Variants in PCDH15 observed in about 807,000 individuals in gnomAD.
PCDH15 encodes the protein protocadherin related 15.
Under a neutral mutation model 178.5 loss-of-function variants are expected in PCDH15, and 129 were observed. That is an observed-to-expected ratio of 0.72 (90% CI 0.63 to 0.84). PCDH15 has a LOEUF of 0.84. Among genes scored for constraint, PCDH15 ranks in the 40% least tolerant of loss-of-function variants. The probability of loss-of-function intolerance (pLI) is 0.00; values close to 1 mark genes in which losing one functional copy is unlikely to be tolerated. For synonymous variants in PCDH15, 800 were observed against 732.0 expected (o/e 1.09, Z -1.50); for missense variants, 2,230 against 2,099.9 (o/e 1.06, Z -1.21).
intron 14 of PCDH15, among the ~76,000 whole-genome samples, chr10:54,136,902 G>A (rs1590717683): frequency 6.6e-6 from 1 of 152,058 alleles, no homozygotes. Flanking sequence ...TTAGTTATTT[G>A]GAGGAGATCA....
chr10:55,450,311 T>TA (rs1263368915), intron 2 of PCDH15, among the ~76,000 whole-genome samples: 2 of 151,804 alleles, frequency 1.3e-5, no homozygotes, highest in Non-Finnish European at 2.9e-5. Flanking sequence ...TCTGAAGGAA[T>TA]AAAAAAAATG....
intron 9 of PCDH15, among the ~76,000 whole-genome samples, chr10:54,226,406 G>A (rs985819454): frequency 2.6e-5 from 4 of 152,158 alleles, no homozygotes; most frequent in Admixed American, 6.5e-5. Flanking sequence ...GGGAATTTAA[G>A]ATGAGATCTA....
chr10:55,240,109 A>T (rs1841500592), intron 1 of PCDH15, among the ~76,000 whole-genome samples: 1 of 152,192 alleles, frequency 6.6e-6, no homozygotes, highest in African/African-American at 2.4e-5. Flanking sequence ...CACTGTGAAT[A>T]ACAGTGTGGA....
chr10:54,149,916 C>T (rs2044355034), intron 14 of PCDH15, among the ~76,000 whole-genome samples: 1 of 151,978 alleles, frequency 6.6e-6, no homozygotes, highest in Admixed American at 6.6e-5. Flanking sequence ...AGGAGTTGCT[C>T]CAGGTTATGT....
chr10:55,521,664 G>A (rs373771541), intron 2 of PCDH15, among the ~76,000 whole-genome samples: 6 of 152,052 alleles, frequency 3.9e-5, no homozygotes, highest in South Asian at 4.1e-4. Flanking sequence ...GAACATGGGC[G>A]TGCAGATATC....
At chr10:55,248,267 A>G (rs1386364860) in intron 1 of PCDH15, among the ~76,000 whole-genome samples, 1 of 152,014 alleles carries the variant, frequency 6.6e-6, no homozygotes, top group Non-Finnish European at 1.5e-5. Context: ...ATGTTTAGAT[A>G]TCATTTTGAA....
At chr10:55,505,754 C>G (rs576735576) in intron 2 of PCDH15, among the ~76,000 whole-genome samples, 1 of 151,490 alleles carries the variant, frequency 6.6e-6, no homozygotes, top group East Asian at 1.9e-4. Flanking sequence ...AGTTTTATAT[C>G]CTACCTAAAA....
At chr10:55,202,841 G>T (rs1255410985) in intron 1 of PCDH15, among the ~76,000 whole-genome samples, 1 of 152,102 alleles carries the variant, frequency 6.6e-6, no homozygotes, top group Non-Finnish European at 1.5e-5. Context: ...TCTCCTGCCT[G>T]CTGTGAAGAA....
intron 2 of PCDH15, among the ~76,000 whole-genome samples, chr10:55,575,133 A>T (rs1001849732): frequency 2.6e-5 from 4 of 152,218 alleles, no homozygotes; most frequent in African/African-American, 9.6e-5. Context: ...CATCTATAAC[A>T]CATGATCTGA....
chr10:54,571,008 A>T (rs2089761379), intron 2 of PCDH15, among the ~76,000 whole-genome samples: 1 of 151,808 alleles, frequency 6.6e-6, no homozygotes, highest in African/African-American at 2.4e-5. Flanking sequence ...ATGAATTCTT[A>T]GGTTTGACCT....
chr10:55,138,565 A>G (rs1420311079), intron 2 of PCDH15, among the ~76,000 whole-genome samples: 3 of 152,136 alleles, frequency 2.0e-5, no homozygotes, highest in Non-Finnish European at 4.4e-5. Context: ...TCGGGAGTCA[A>G]TCTCAGAGGC....
intron 8 of PCDH15, among the ~76,000 whole-genome samples, chr10:54,311,224 C>A (rs923538342): frequency 6.6e-6 from 1 of 151,840 alleles, no homozygotes; most frequent in East Asian, 1.9e-4. Context: ...TACTGAAAAC[C>A]ACATGGTGCA....
chr10:54,107,341 T>C (rs1042683605), intron 15 of PCDH15, among the ~76,000 whole-genome samples: 1 of 152,190 alleles, frequency 6.6e-6, no homozygotes, highest in African/African-American at 2.4e-5. Context: ...ATTTTCTTCT[T>C]GAATAAGTAA....
intron 2 of PCDH15, among the ~76,000 whole-genome samples, chr10:55,492,484 G>C (rs1262488643): frequency 6.6e-6 from 1 of 151,738 alleles, no homozygotes; most frequent in Non-Finnish European, 1.5e-5. Context: ...GATGTCAGGA[G>C]CTACACAACA....
At chr10:54,039,931 G>C (rs1022300581) in intron 18 of PCDH15, among the ~76,000 whole-genome samples, 1 of 151,906 alleles carries the variant, frequency 6.6e-6, no homozygotes, top group African/African-American at 2.4e-5. Context: ...TACTATGTCT[G>C]TTTTCCTACA....
At chr10:54,313,538 C>A (rs1485243055) in intron 8 of PCDH15, among the ~76,000 whole-genome samples, 1 of 152,002 alleles carries the variant, frequency 6.6e-6, no homozygotes, top group Admixed American at 6.6e-5. Context: ...ACCCAGGCTG[C>A]CAGAGCCAGA....
At chr10:53,949,767 T>C (rs996619917) in intron 23 of PCDH15, among the ~76,000 whole-genome samples, 4 of 152,242 alleles carry the variant, frequency 2.6e-5, no homozygotes, top group African/African-American at 9.6e-5. Flanking sequence ...CAACATAAGG[T>C]AATTTTAATT....
At chr10:55,468,757 T>A (rs1219165316) in intron 2 of PCDH15, among the ~76,000 whole-genome samples, 1 of 152,160 alleles carries the variant, frequency 6.6e-6, no homozygotes, top group African/African-American at 2.4e-5. Flanking sequence ...TCAAGCCAAT[T>A]AATGTACTAA....
chr10:54,552,678 T>C (rs1383235989), intron 2 of PCDH15, among the ~76,000 whole-genome samples: 1 of 152,142 alleles, frequency 6.6e-6, no homozygotes, highest in Non-Finnish European at 1.5e-5. Context: ...TTGTGAAACA[T>C]ACAAAAGAGT....
Sources: gnomAD v4.1 joint callset for allele counts (sites outside exome capture counted in the v4.1 genomes callset) on GRCh38, gnomAD v4.1.1 for gene constraint, MANE v1.5 for transcripts, NCBI Gene and HGNC (gene_info 2026-07-23, HGNC 2026-07-21) for gene names.